Variants in LSAMP observed in about 807,000 individuals in gnomAD.
LSAMP encodes the protein limbic system associated membrane protein.
In LSAMP, 7 loss-of-function variants were observed where a neutral mutation model predicts 38.6. The observed-to-expected ratio is 0.18, with a 90% CI of 0.10 to 0.34. The LOEUF (loss-of-function observed/expected upper bound fraction) is 0.34, where lower values mean the gene tolerates loss of function less well. Ranked by LOEUF, LSAMP falls within the 10% of genes least tolerant of loss-of-function variation. The pLI is 1.00. For missense variants in LSAMP, 313 were observed against 420.0 expected (o/e 0.75, Z 2.23); for synonymous variants, 154 against 166.8 (o/e 0.92, Z 0.59).
chr3:115,914,834 G>A (rs975399935), intron 3 of LSAMP, among the ~76,000 whole-genome samples: 1 of 152,192 alleles, frequency 6.6e-6, no homozygotes, highest in Non-Finnish European at 1.5e-5. Context: ...ACAGATTTTA[G>A]AGGCTTCTTC....
intron 1 of LSAMP, among the ~76,000 whole-genome samples, chr3:116,171,455 A>G (rs960529287): frequency 2.0e-5 from 3 of 152,100 alleles, no homozygotes; most frequent in African/African-American, 4.8e-5. Context: ...TACTGCTCCT[A>G]TTATCTTAAT....
At chr3:116,084,907 TCTC>T (rs1707954023) in intron 2 of LSAMP, among the ~76,000 whole-genome samples, 1 of 151,762 alleles carries the variant, frequency 6.6e-6, no homozygotes, top group Admixed American at 6.6e-5. Context: ...ACTAGTTATC[TCTC>T]CTCCTTCTGC....
intron 1 of LSAMP, among the ~76,000 whole-genome samples, chr3:116,425,351 A>G (rs142177493): frequency 1.7e-3 from 254 of 152,282 alleles, no homozygotes; most frequent in African/African-American, 5.8e-3. Context: ...AATATACTTC[A>G]TTCTGTACAT....
intron 3 of LSAMP, among the ~76,000 whole-genome samples, chr3:115,892,215 A>G (rs556316179): frequency 6.6e-6 from 1 of 152,104 alleles, no homozygotes; most frequent in South Asian, 2.1e-4. Context: ...GAATAGCTAC[A>G]TATTTTAGAA....
intron 2 of LSAMP, among the ~76,000 whole-genome samples, chr3:116,052,154 C>T (rs1462913636): frequency 1.3e-5 from 2 of 152,130 alleles, no homozygotes; most frequent in African/African-American, 4.8e-5. Flanking sequence ...CACAAGGATG[C>T]TGTGACTGAT....
chr3:115,919,177 A>G (rs767027252), intron 3 of LSAMP, among the ~76,000 whole-genome samples: 10 of 152,168 alleles, frequency 6.6e-5, no homozygotes, highest in Non-Finnish European at 1.0e-4. Context: ...TCAATAGGAC[A>G]TTCTAAATTT....
At chr3:115,906,361 C>A (rs1937008313) in intron 3 of LSAMP, among the ~76,000 whole-genome samples, 1 of 152,032 alleles carries the variant, frequency 6.6e-6, no homozygotes, top group Non-Finnish European at 1.5e-5. Flanking sequence ...GCATGTAAGT[C>A]CTGGGAAAAA....
At chr3:115,981,715 T>G (rs1242808587) in intron 3 of LSAMP, among the ~76,000 whole-genome samples, 1 of 152,188 alleles carries the variant, frequency 6.6e-6, no homozygotes, top group African/African-American at 2.4e-5. Context: ...TCCCATGTTC[T>G]CTTGCAGACC....
intron 2 of LSAMP, among the ~76,000 whole-genome samples, chr3:116,026,129 G>A (rs779858561): frequency 3.3e-5 from 5 of 152,032 alleles, no homozygotes; most frequent in Non-Finnish European, 7.4e-5. Context: ...GGTGATTTCT[G>A]AAATAATGCC....
chr3:116,002,431 A>T (rs1420507275), intron 3 of LSAMP, among the ~76,000 whole-genome samples: 1 of 152,214 alleles, frequency 6.6e-6, no homozygotes, highest in Non-Finnish European at 1.5e-5. Flanking sequence ...AGGCTGAAAG[A>T]AGCTTTGGAT....
At chr3:116,120,128 T>A (rs1479674453) in intron 1 of LSAMP, among the ~76,000 whole-genome samples, 1 of 152,126 alleles carries the variant, frequency 6.6e-6, no homozygotes, top group African/African-American at 2.4e-5. Context: ...TATAAACTTT[T>A]TCAAGGAGCT....
intron 1 of LSAMP, among the ~76,000 whole-genome samples, chr3:116,344,695 C>T (rs368501443): frequency 6.6e-6 from 1 of 152,054 alleles, no homozygotes; most frequent in African/African-American, 2.4e-5. Context: ...GTGTTAGGAG[C>T]TTTCTATGCA....
chr3:116,299,734 T>G (rs941912239), intron 1 of LSAMP, among the ~76,000 whole-genome samples: 4 of 152,142 alleles, frequency 2.6e-5, no homozygotes, highest in Non-Finnish European at 4.4e-5. Flanking sequence ...GCAAGAAGCA[T>G]GCAGAATGAT....
chr3:115,973,470 C>T (rs552175990), intron 3 of LSAMP, among the ~76,000 whole-genome samples: 83 of 152,250 alleles, frequency 5.5e-4, no homozygotes, highest in Non-Finnish European at 9.1e-4. Context: ...CGGTGGCTCA[C>T]GCCTATAATC....
chr3:116,020,255 A>T (rs898173468), intron 2 of LSAMP, among the ~76,000 whole-genome samples: 9 of 152,242 alleles, frequency 5.9e-5, no homozygotes, highest in Non-Finnish European at 1.2e-4. Context: ...TATCTCACAG[A>T]CAGGTAGACA....
intron 1 of LSAMP, among the ~76,000 whole-genome samples, chr3:116,106,041 G>T (rs1435275735): frequency 6.6e-6 from 1 of 152,034 alleles, no homozygotes; most frequent in Non-Finnish European, 1.5e-5. Context: ...ATTGGTGATG[G>T]CCTGGATACG....
intron 1 of LSAMP, among the ~76,000 whole-genome samples, chr3:116,289,580 T>A (rs1482718148): frequency 6.6e-6 from 1 of 152,096 alleles, no homozygotes. Context: ...TCTACTCTGT[T>A]CCTTTTATAT....
intron 4 of LSAMP, among the ~76,000 whole-genome samples, chr3:115,845,597 CTTATT>C (rs1475575126): frequency 6.6e-6 from 1 of 152,138 alleles, no homozygotes; most frequent in Non-Finnish European, 1.5e-5. Context: ...TGTCAGAAGG[CTTATT>C]TGGGCTCTCT....
Position 115,808,141 on chromosome 3 carries a change from CCTCCCT to C in LSAMP, c.*2170_*2175del, listed in dbSNP as rs1933683490. The C allele has an allele frequency of 1.2e-5, 1 of 81,302 alleles. No individual in the cohort carries two copies. Among genetic ancestry groups the C allele is most frequent in the African/African-American group, 5.2e-5 (1 of 19,142 alleles). 5.0% of individuals were successfully genotyped at this position (81,302 alleles called of 1,614,324 possible). ...CCCTCCCTCCCTCCCTCCCTCCCTC[CCTCCCT>C]CCCCCCCTTCCCCGTCCCCCCCTCC... is the stretch of plus-strand genomic sequence containing the variant. On this transcript the variant is annotated 3_prime_UTR_variant, in exon 7 of 7. Transcript: ENST00000490035.
Sources: allele counts gnomAD v4.1 joint callset (sites outside exome capture counted in the v4.1 genomes callset), GRCh38; gene constraint gnomAD v4.1.1; transcripts MANE v1.5; gene names NCBI Gene and HGNC (gene_info 2026-07-23, HGNC 2026-07-21).